NPIPA5: variants seen among roughly 807,000 people sequenced by gnomAD.
NPIPA5 encodes the protein nuclear pore complex-interacting protein family member A5.
A neutral mutation model predicts 21.4 loss-of-function variants in NPIPA5; 6 were observed. The ratio of observed to expected loss-of-function variants is 0.28; its 90% confidence interval spans 0.15 to 0.55. The LOEUF (loss-of-function observed/expected upper bound fraction) is 0.55. Ranked by LOEUF, NPIPA5 falls within the 20% of genes least tolerant of loss-of-function variation. The pLI, the probability that NPIPA5 is intolerant of heterozygous loss-of-function variation, is 0.93. For missense variants in NPIPA5, 99 were observed against 318.2 expected (o/e 0.31, Z 5.24); for synonymous variants, 33 against 115.3 (o/e 0.29, Z 4.57).
At chr16:15,376,158 A>G (rs2050286451) in intron 1 of NPIPA5, among the ~76,000 whole-genome samples, 1 of 151,704 alleles carries the variant, frequency 6.6e-6, no homozygotes, top group African/African-American at 2.4e-5. Flanking sequence ...GTGAAATTCC[A>G]GAATAAGCAA....
upstream of NPIPA5, chr16:15,381,339 TC>T (rs2050431108): frequency 2.9e-6 from 1 of 343,128 alleles, no homozygotes; most frequent in Admixed American, 6.5e-5. Flanking sequence ...CTATAAAACA[TC>T]CAAGTCATTT....
chr16:15,371,068 T>C lies in NPIPA5; in HGVS notation c.193-949A>G, dbSNP rs1232229485. ...CTCAAAAAAAAAAAAAAAAATGACA[T>C]GAATATACTTCACACAACTGAACTG... On this transcript the variant is annotated intron_variant, in intron 2 of 7. Coordinates refer to ENST00000360151, the MANE Select transcript of NPIPA5 (RefSeq NM_001277325.2). Among the ~76,000 whole-genome samples the C allele has an allele frequency of 3.9e-4, 50 of 127,374 alleles. 1 individual carries two copies. Among genetic ancestry groups the C allele is most frequent in the Non-Finnish European group, 6.8e-4 (39 of 57,756 alleles). 83.6% of individuals were successfully genotyped at this position (127,374 alleles called of 152,430 possible). A position where few individuals can be genotyped will look rare whatever the true frequency, so the allele number is the denominator to read the frequency against.
In NPIPA5 at chr16:15,366,745, G is replaced by C. The variant is rs1218271745; in HGVS notation, c.453C>G (p.Ser151Arg). The change falls in exon 5 of 8, where the codon AGC becomes AGG. Residue 151 changes from serine to arginine, a missense_variant. Physicochemically the swap from Ser to Arg is moderately radical, Grantham distance 110. Transcript: ENST00000360151. ...TTTCTCCGTGCTCACGTTCTTTCAT[G>C]CTTAGTTTCCTCAGACTAGAAGGGA... The part of the protein sequence containing the change: ...KTAKEHLRKL[S>R]MKEREHGEKE... The C allele has an allele frequency of 1.3e-6, 2 of 1,514,132 alleles. No homozygotes were observed. The highest frequency in any genetic ancestry group is 1.8e-6 in the Non-Finnish European group (2 of 1,139,024). 93.8% of individuals were successfully genotyped at this position (1,514,132 alleles called of 1,614,324 possible). A position where few individuals can be genotyped will look rare whatever the true frequency, so the allele number is the denominator to read the frequency against.
At chr16:15,376,127 G>T (rs1272984151) in intron 1 of NPIPA5, among the ~76,000 whole-genome samples, 2 of 151,932 alleles carry the variant, frequency 1.3e-5, no homozygotes, top group African/African-American at 4.8e-5. Flanking sequence ...AGTACCTATG[G>T]CATGGCATGC....
chr16:15,380,462 A>G (rs927484175), upstream of NPIPA5, among the ~76,000 whole-genome samples: 3 of 151,964 alleles, frequency 2.0e-5, no homozygotes, highest in Non-Finnish European at 4.4e-5. Context: ...AGCTGGAACT[A>G]CAGGCTGACA....
At chr16:15,375,741 CAA>C (rs1268411508) in intron 1 of NPIPA5, among the ~76,000 whole-genome samples, 16 of 62,120 alleles carry the variant, frequency 2.6e-4, no homozygotes, top group Admixed American at 5.5e-4. Flanking sequence ...GACTCTGTCT[CAA>C]AAAAAAAAAA....
chr16:15,363,936 T>G lies in NPIPA5; in HGVS notation c.776A>C (p.Asn259Thr), dbSNP rs2049925966. ...PPTQQHSIID[N>T]SLSLKTPSER... ...GGAAGGTGTCTTGAGGCTCAGGGAG[T>G]TATCAATTATAGAATGTTGTTGAGT... is the stretch of plus-strand genomic sequence containing the variant. Residue 259 changes from asparagine to threonine, a missense_variant, in exon 8 of 8, where the codon AAC (asparagine) becomes ACC (threonine). By Grantham distance (65) the Asn-to-Thr change is moderately conservative. Coordinates refer to ENST00000360151, the MANE Select transcript of NPIPA5 (RefSeq NM_001277325.2). 1 of 1,597,764 alleles carries G rather than the reference T, an allele frequency of 6.3e-7. No homozygotes were observed. Among genetic ancestry groups the G allele is most frequent in the South Asian group, 1.1e-5 (1 of 90,832 alleles).
chr16:15,374,267 C>T (rs1330650729), intron 1 of NPIPA5, among the ~76,000 whole-genome samples: 5 of 150,648 alleles, frequency 3.3e-5, no homozygotes, highest in East Asian at 2.0e-4. Flanking sequence ...GGTGCAATCT[C>T]GGCTCACTGC....
Position 15,364,007 on chromosome 16 carries a change from T to C in NPIPA5, c.705A>G (p.Thr235=), listed in dbSNP as rs2049928394. The C allele has an allele frequency of 6.3e-7, 1 of 1,583,638 alleles. No homozygotes were observed. Among genetic ancestry groups the C allele is most frequent in the Admixed American group, 1.7e-5 (1 of 57,428 alleles). Reference sequence around the variant, plus strand: ...CCATCCTGTTTTTTAAAGTTTCAGCTGTGAGGTAGGGCCAGTAGGGCAATC... The same window carrying C: ...CCATCCTGTTTTTTAAAGTTTCAGCCGTGAGGTAGGGCCAGTAGGGCAATC... ...SSGLPYWPYL[T]AETLKNRMGH... is the part of the protein sequence containing the mutation. The change falls in exon 8 of 8, where the codon ACA becomes ACG. Residue 235 remains threonine (T), a synonymous_variant. Transcript: ENST00000360151.
intron 4 of NPIPA5, among the ~76,000 whole-genome samples, chr16:15,368,347 G>A (rs2050036500): frequency 1.3e-5 from 2 of 152,002 alleles, no homozygotes; most frequent in South Asian, 4.1e-4. Context: ...GACCTCAATT[G>A]CAGCCTGTAT....
upstream of NPIPA5, chr16:15,381,486 C>G (rs2050432672): frequency 3.1e-6 from 3 of 982,192 alleles, no homozygotes; most frequent in African/African-American, 5.3e-5. Flanking sequence ...TTTTACATTA[C>G]TAATTATAAC....
At chr16:15,369,032 G>C (rs1390412855) in intron 4 of NPIPA5, among the ~76,000 whole-genome samples, 3 of 140,750 alleles carry the variant, frequency 2.1e-5, no homozygotes, top group Non-Finnish European at 4.6e-5. Context: ...GCACACACCT[G>C]TAATCCAAGC....
At position 15,376,583 on chromosome 16, in the gene NPIPA5, C is replaced by T. The variant is rs544293853; in HGVS notation, c.63+1649G>A. 2.2e-3 allele frequency among the ~76,000 whole-genome samples: 330 copies of T among 148,526 alleles called. 1 individual carries two copies. Among genetic ancestry groups the T allele is most frequent in the African/African-American group, 8.0e-3 (321 of 40,216 alleles). On this transcript the variant is annotated intron_variant, in intron 1 of 7. Transcript: ENST00000360151. Reference sequence around the variant, plus strand: ...GATCTTGAAAGGGGGTTGGTTTATGCTGGTGTATGTACTTTCCAAAGTTAG... The same window carrying T: ...GATCTTGAAAGGGGGTTGGTTTATGTTGGTGTATGTACTTTCCAAAGTTAG...
upstream of NPIPA5, among the ~76,000 whole-genome samples, chr16:15,380,175 A>C (rs1029137427): frequency 2.0e-5 from 3 of 152,038 alleles, no homozygotes; most frequent in Non-Finnish European, 4.4e-5. Flanking sequence ...TATGTATTAC[A>C]TGTTGTAAAA....
intron 4 of NPIPA5, among the ~76,000 whole-genome samples, chr16:15,368,952 C>T (rs1191942574): frequency 9.2e-6 from 1 of 108,536 alleles, no homozygotes; most frequent in Non-Finnish European, 1.8e-5. Context: ...GCACTCTAGC[C>T]TGGGTGACAG....
chr16:15,363,919 T>A lies in NPIPA5; in HGVS notation c.793A>T (p.Thr265Ser). ...GGATAGAGCAGACGCTCGGAAGGTG[T>A]CTTGAGGCTCAGGGAGTTATCAATT... Reference protein sequence around the residue: ...SIIDNSLSLKTPSERLLYPLP... With the variant: ...SIIDNSLSLKSPSERLLYPLP... Residue 265 changes from threonine to serine, a missense_variant, in exon 8 of 8, where the codon ACA (threonine) becomes TCA (serine). Around this residue, in one of 5 missense-constraint regions of NPIPA5, gnomAD observed 75 missense variants for 138.5 expected, o/e 0.54. Coordinates refer to ENST00000360151, the MANE Select transcript of NPIPA5 (RefSeq NM_001277325.2). The A allele has an allele frequency of 6.2e-7, 1 of 1,603,104 alleles. No homozygotes were observed. Among genetic ancestry groups the A allele is most frequent in the Non-Finnish European group, 8.5e-7 (1 of 1,179,348 alleles).
intron 4 of NPIPA5, among the ~76,000 whole-genome samples, chr16:15,367,086 G>C (rs1387237072): frequency 6.6e-6 from 1 of 152,070 alleles, no homozygotes; most frequent in Non-Finnish European, 1.5e-5. Context: ...TCTTGTGCTT[G>C]ACACAGCAAA....
chr16:15,381,003 A>G, upstream of NPIPA5: 1 of 1,513,060 alleles, frequency 6.6e-7, no homozygotes, highest in Non-Finnish European at 8.8e-7. Flanking sequence ...GGCCCTGGTC[A>G]TGGGACAGGA....
At chr16:15,379,008 G>A (rs2050375169), upstream of NPIPA5, among the ~76,000 whole-genome samples, 1 of 148,628 alleles carries the variant, frequency 6.7e-6, no homozygotes, top group African/African-American at 2.5e-5. Flanking sequence ...GGACCCAGGG[G>A]CCTGGTGACC....
Sources: allele counts gnomAD v4.1 joint callset (sites outside exome capture counted in the v4.1 genomes callset), GRCh38; gene constraint gnomAD v4.1.1; regional missense constraint gnomAD v4.1.1; transcripts MANE v1.5; gene names NCBI Gene and HGNC (gene_info 2026-07-23, HGNC 2026-07-21).